P2RY6: variants seen among roughly 807,000 people sequenced by gnomAD.
P2RY6 encodes P2Y purinoceptor 6.
Under a neutral mutation model 16.3 loss-of-function variants are expected in P2RY6, and 19 were observed. That is an observed-to-expected ratio of 1.16 (90% CI 0.81 to 1.71). The LOEUF (loss-of-function observed/expected upper bound fraction) is 1.71, where lower values mean the gene tolerates loss of function less well. P2RY6 is among the 40% of genes most tolerant of loss of function. The probability of loss-of-function intolerance (pLI) is 0.00; values close to 1 mark genes in which losing one functional copy is unlikely to be tolerated. For synonymous variants in P2RY6, 184 were observed against 201.5 expected (o/e 0.91, Z 0.74); for missense variants, 389 against 455.5 (o/e 0.85, Z 1.33).
At chr11:73,267,337 C>A (rs767558084) in intron 1 of P2RY6, among the ~76,000 whole-genome samples, 1 of 152,166 alleles carries the variant, frequency 6.6e-6, no homozygotes, top group Non-Finnish European at 1.5e-5. Flanking sequence ...GGGTGGATGA[C>A]AGTGAACCCA....
chr11:73,272,508 C>T, intron 1 of P2RY6, 42 bp downstream of exon 1: 2 of 985,500 alleles, frequency 2.0e-6, no homozygotes, highest in South Asian at 9.4e-5. Flanking sequence ...TTGCGCCCCT[C>T]AGCTCCCCTA....
intron 1 of P2RY6, among the ~76,000 whole-genome samples, chr11:73,273,693 C>A (rs768431736): frequency 2.6e-4 from 39 of 152,196 alleles, no homozygotes; most frequent in Non-Finnish European, 4.3e-4. Flanking sequence ...CTCTGGAGAC[C>A]TGACTGCCGG....
rs2135766115 is a variant in P2RY6, at chr11:73,296,712, C to A, written c.194C>A (p.Thr65Asn). 3 of 1,614,006 alleles carry A rather than the reference C, an allele frequency of 1.9e-6. No homozygotes were observed. Among genetic ancestry groups the A allele is most frequent in the East Asian group, 2.2e-5 (1 of 44,880 alleles). ...GCCCTGACCCGCACGGCCGTGTACACCCTAAACCTTGCTCTGGCTGACCTG... is the reference window on the plus strand; with the variant it reads ...GCCCTGACCCGCACGGCCGTGTACAACCTAAACCTTGCTCTGGCTGACCTG... ...RRALTRTAVY[T>N]LNLALADLLY... The change falls in exon 3 of 3, where the codon ACC becomes AAC. Residue 65 changes from threonine (T) to asparagine (N), a missense_variant. Physicochemically the swap from Thr to Asn is moderately conservative, Grantham distance 65. Transcript: ENST00000540124.
chr11:73,274,778 T>C (rs1863465210), intron 1 of P2RY6, among the ~76,000 whole-genome samples: 1 of 152,176 alleles, frequency 6.6e-6, no homozygotes, highest in Non-Finnish European at 1.5e-5. Flanking sequence ...AGGTGCCCAT[T>C]ACAGCAGAGG....
rs185260104 is a variant in P2RY6, at chr11:73,288,714, T to C, written c.-120-7016T>C. 9.2e-4 allele frequency among the ~76,000 whole-genome samples: 140 copies of C among 152,226 alleles called. 1 individual carries two copies. The highest frequency in any genetic ancestry group is 3.2e-3 in the African/African-American group (135 of 41,560). ...GTTGATGACTGGGGCACAGAGGGTATAGTGACCCTGTATAGTAGGTAGGTA... is the reference window on the plus strand; with the variant it reads ...GTTGATGACTGGGGCACAGAGGGTACAGTGACCCTGTATAGTAGGTAGGTA... On this transcript the variant is annotated intron_variant, in intron 1 of 2. Transcript: ENST00000540124.
intron 1 of P2RY6, among the ~76,000 whole-genome samples, chr11:73,288,139 C>G (rs1004131581): frequency 6.6e-6 from 1 of 152,186 alleles, no homozygotes; most frequent in Non-Finnish European, 1.5e-5. Flanking sequence ...GAATGAGACA[C>G]GGCACATCAA....
chr11:73,280,409 G>A, intron 1 of P2RY6, among the ~76,000 whole-genome samples: 1 of 152,170 alleles, frequency 6.6e-6, no homozygotes, highest in East Asian at 1.9e-4. Flanking sequence ...CTCTTTTCAA[G>A]CACATCCAGA....
At chr11:73,283,534 C>T (rs1419499870) in intron 1 of P2RY6, among the ~76,000 whole-genome samples, 1 of 152,232 alleles carries the variant, frequency 6.6e-6, no homozygotes, top group Non-Finnish European at 1.5e-5. Context: ...CCCAGTCATG[C>T]TCAGTGGCCT....
chr11:73,269,350 G>A (rs968663297), upstream of P2RY6, among the ~76,000 whole-genome samples: 4 of 152,184 alleles, frequency 2.6e-5, no homozygotes, highest in African/African-American at 9.7e-5. Context: ...GCCTGCGCCT[G>A]AAAGTTAGCC....
intron 1 of P2RY6, among the ~76,000 whole-genome samples, chr11:73,287,031 G>C (rs1863998026): frequency 6.6e-6 from 1 of 152,176 alleles, no homozygotes; most frequent in Non-Finnish European, 1.5e-5. Flanking sequence ...GAGGCAAAAA[G>C]GGAGTTTATC....
chr11:73,286,717 G>A (rs1040716143), intron 1 of P2RY6, among the ~76,000 whole-genome samples: 3 of 152,134 alleles, frequency 2.0e-5, no homozygotes, highest in Non-Finnish European at 4.4e-5. Context: ...CAGAGGCAAA[G>A]CAGACCTTGT....
Position 73,296,888 on chromosome 11 carries a change from C to T in P2RY6, c.370C>T (p.Arg124Cys), listed in dbSNP as rs370867718. The T allele has an allele frequency of 8.3e-5, 134 of 1,610,246 alleles. No homozygotes were observed. The highest frequency in any genetic ancestry group is 1.0e-4 in the Non-Finnish European group (120 of 1,180,034). Reference sequence around the variant, plus strand: ...CTTCCTCACCTGCATCAGCTTCCAGCGCTACCTGGGCATCTGCCACCCGCT... The same window carrying T: ...CTTCCTCACCTGCATCAGCTTCCAGTGCTACCTGGGCATCTGCCACCCGCT... ...ILFLTCISFQ[R>C]YLGICHPLAP... Residue 124 changes from arginine to cysteine, a missense_variant, in exon 3 of 3, where the codon CGC becomes TGC. Transcript: ENST00000540124.
At chr11:73,285,077 C>T (rs575205354) in intron 1 of P2RY6, among the ~76,000 whole-genome samples, 6 of 152,246 alleles carry the variant, frequency 3.9e-5, no homozygotes, top group South Asian at 2.1e-4. Flanking sequence ...GTCTGTCCTA[C>T]GTCCCTTTTT....
At position 73,295,819 on chromosome 11, in the gene P2RY6, T is replaced by C; in HGVS notation, c.-35+4T>C. 5.1e-6 allele frequency: 5 copies of C among 980,692 alleles called. No individual in the cohort carries two copies. The highest frequency in any genetic ancestry group is 6.1e-6 in the Non-Finnish European group (5 of 825,732). The allele number at this position is 980,692 out of a possible 1,614,324, so 60.7% of individuals were successfully genotyped here. On this transcript the variant is annotated splice_donor_region_variant and intron_variant, in intron 2 of 2. Coordinates refer to ENST00000540124, the MANE Select transcript of P2RY6 (RefSeq NM_001277204.2). ...TGCGGTCCTCAGTGAGCCCCTGGTG[T>C]GTGGACCCTTCGCATTGGTTAACTA...
chr11:73,265,715 C>G (rs1007095936), intron 1 of P2RY6, among the ~76,000 whole-genome samples: 21 of 152,150 alleles, frequency 1.4e-4, no homozygotes, highest in African/African-American at 7.2e-5. Context: ...GGCTGCAGGA[C>G]CCTGGGGACC....
intron 1 of P2RY6, among the ~76,000 whole-genome samples, chr11:73,285,795 A>G (rs112567391): frequency 0.018 from 2,692 of 152,312 alleles, 56 homozygotes; most frequent in African/African-American, 0.062. Flanking sequence ...AGGATCCACC[A>G]CTAGGTCTCC....
chr11:73,293,351 T>A (rs1565172900), intron 1 of P2RY6, among the ~76,000 whole-genome samples: 1 of 151,566 alleles, frequency 6.6e-6, no homozygotes, highest in East Asian at 1.9e-4. Context: ...TTGGCAGGGG[T>A]CTTGAATGTC....
rs76870107 is a variant in P2RY6 at position 73,297,981 on chromosome 11, C to A, written c.*476C>A. On this transcript the variant is annotated 3_prime_UTR_variant, in exon 3 of 3. Coordinates refer to ENST00000540124, the MANE Select transcript of P2RY6 (RefSeq NM_001277204.2). ...AGAAAGCCTTTACTGACACCTTGTG[C>A]TCAGGCCTGTGTTGGTTCTGGGGCC... The A allele has an allele frequency of 0.089, 16,039 of 180,788 alleles. 776 individuals carry two copies. The highest frequency in any genetic ancestry group is 0.1 in the Non-Finnish European group (7,933 of 76,624). 11.2% of individuals were successfully genotyped at this position (180,788 alleles called of 1,614,324 possible).
At position 73,296,451 on chromosome 11, in the gene P2RY6, C is replaced by G. The variant is rs115571394; in HGVS notation, c.-34-34C>G. 4,730 of 1,564,256 alleles carry G rather than the reference C, an allele frequency of 3.0e-3. 114 individuals are homozygous for G. In the African/African-American group the frequency reaches 0.056, roughly 19 times the overall value. ...CAGGGCCTGCTGGGTGGTGAGTGAG[C>G]ATGTCACTGACAGGCTGTGTATTGC... On this transcript the variant is annotated intron_variant, in intron 2 of 2. Coordinates refer to ENST00000540124, the MANE Select transcript of P2RY6 (RefSeq NM_001277204.2).
Sources: gnomAD v4.1 joint callset for allele counts (sites outside exome capture counted in the v4.1 genomes callset) on GRCh38, gnomAD v4.1.1 for gene constraint, MANE v1.5 for transcripts, NCBI Gene and HGNC (gene_info 2026-07-23, HGNC 2026-07-21) for gene names.